FRMPD4: variants seen among roughly 807,000 people sequenced by gnomAD.
FRMPD4 encodes the protein FERM and PDZ domain containing 4, also known as FERM and PDZ domain-containing protein 4.
FRMPD4 carries 22 observed loss-of-function variants against 94.1 expected under a neutral mutation model. The observed-to-expected ratio is 0.23, with a 90% confidence interval of 0.17 to 0.33. FRMPD4 has a LOEUF of 0.33. Ranked by LOEUF, FRMPD4 falls within the 10% of genes least tolerant of loss-of-function variation. The pLI is 1.00. For synonymous variants in FRMPD4, 631 were observed against 548.6 expected, an observed-to-expected ratio of 1.15 and a Z score of -2.10; for missense variants, 1,111 against 1,339.9, an observed-to-expected ratio of 0.83 and a Z score of 2.67.
chrX:12,272,294 T>A (rs2054366611), intron 1 of FRMPD4, among the ~76,000 whole-genome samples: 1 of 110,936 alleles, frequency 9.0e-6, no homozygotes, highest in Admixed American at 9.7e-5. Context: ...TAGATAGGAA[T>A]GTATTTAATT....
At chrX:11,840,337 A>G (rs758290640) in intron 1 of FRMPD4, among the ~76,000 whole-genome samples, 1 of 111,527 alleles carries the variant, frequency 9.0e-6, no homozygotes, top group African/African-American at 3.3e-5. Flanking sequence ...AATATTGTGG[A>G]TGAATTTTTT....
chrX:12,464,294 C>T (rs2057426589), intron 1 of FRMPD4, among the ~76,000 whole-genome samples: 1 of 111,829 alleles, frequency 8.9e-6, no homozygotes, highest in Non-Finnish European at 1.9e-5. Flanking sequence ...GAACTATCCA[C>T]CATAGCTACA....
chrX:12,378,077 C>T (rs72612883), intron 1 of FRMPD4, among the ~76,000 whole-genome samples: 8,670 of 111,816 alleles, frequency 0.078, 320 homozygotes, highest in Middle Eastern at 0.12. Flanking sequence ...AAAGAGGCAC[C>T]GATGGGGGCG....
chrX:12,189,400 G>C (rs2056463685), intron 1 of FRMPD4, among the ~76,000 whole-genome samples: 2 of 110,767 alleles, frequency 1.8e-5, no homozygotes, highest in African/African-American at 3.3e-5. Flanking sequence ...GAGGCAAAAG[G>C]AATACTTAAC....
chrX:12,165,367 C>T (rs1010114316), intron 1 of FRMPD4, among the ~76,000 whole-genome samples: 8 of 111,483 alleles, frequency 7.2e-5, no homozygotes, highest in South Asian at 3.8e-4. Flanking sequence ...TGTAGACATG[C>T]GGCATTATTT....
intron 1 of FRMPD4, among the ~76,000 whole-genome samples, chrX:12,366,354 A>G (rs769407229): frequency 9.0e-6 from 1 of 111,700 alleles, no homozygotes; most frequent in South Asian, 3.7e-4. Context: ...GGAAATTGAA[A>G]TGCATCCTGG....
chrX:12,122,751 C>T (rs1166165829), intron 3 of FRMPD4, among the ~76,000 whole-genome samples: 2 of 110,867 alleles, frequency 1.8e-5, no homozygotes, highest in African/African-American at 3.3e-5. Flanking sequence ...CACCAGGGGC[C>T]AGGTGTTCAA....
At chrX:12,241,981 G>A (rs745754010) in intron 1 of FRMPD4, among the ~76,000 whole-genome samples, 56 of 80,993 alleles carry the variant, frequency 6.9e-4, no homozygotes, top group African/African-American at 2.3e-3. Flanking sequence ...AAGAGGAAGA[G>A]GAAGAAGAAG....
chrX:12,624,210 G>A (rs928683860), intron 4 of FRMPD4, among the ~76,000 whole-genome samples: 1 of 112,070 alleles, frequency 8.9e-6, no homozygotes, highest in African/African-American at 3.2e-5. Flanking sequence ...CACTGGTAAG[G>A]GAACTACATA....
intron 3 of FRMPD4, among the ~76,000 whole-genome samples, chrX:12,047,783 A>G (rs1307787969): frequency 8.9e-6 from 1 of 112,476 alleles, no homozygotes; most frequent in Non-Finnish European, 1.9e-5. Flanking sequence ...TTCACTTAGG[A>G]TAATGGCCTC....
At chrX:12,402,016 G>C (rs2056614274) in intron 1 of FRMPD4, among the ~76,000 whole-genome samples, 1 of 110,975 alleles carries the variant, frequency 9.0e-6, no homozygotes, top group Admixed American at 9.6e-5. Context: ...TCTGAAAGTA[G>C]CCAGCTGTGT....
chrX:11,978,769 A>G (rs2147386689), intron 3 of FRMPD4, among the ~76,000 whole-genome samples: 1 of 111,937 alleles, frequency 8.9e-6, no homozygotes, highest in South Asian at 3.7e-4. Flanking sequence ...AGAAAAGAAC[A>G]TCTTTTAAGA....
At position 11,950,450 on chromosome X, in the gene FRMPD4, T is replaced by C. The variant is rs776760237; in HGVS notation, c.95+72432T>C. On this transcript the variant is annotated intron_variant, in intron 3 of 18. Transcript: ENST00000640291. ...ACCTGAAATGTACTCTCTTAGAAAA[T>C]TTCCAGTATACAACACAGTATTATT... Among the ~76,000 whole-genome samples, 310 of 111,601 alleles carry C rather than the reference T, an allele frequency of 2.8e-3. 1 individual carries two copies. The highest frequency in any genetic ancestry group is 3.2e-3 in the Non-Finnish European group (172 of 53,130).
intron 1 of FRMPD4, among the ~76,000 whole-genome samples, chrX:12,274,369 C>T (rs1364577798): frequency 9.0e-6 from 1 of 111,523 alleles, no homozygotes; most frequent in Non-Finnish European, 1.9e-5. Context: ...CGTCATTAGC[C>T]TCACAGTCAA....
At chrX:12,285,889 A>G (rs1175212275) in intron 1 of FRMPD4, among the ~76,000 whole-genome samples, 4 of 111,825 alleles carry the variant, frequency 3.6e-5, no homozygotes, top group Admixed American at 2.8e-4. Context: ...ATTTAGGACA[A>G]TTCTGTGGAC....
intron 2 of FRMPD4, among the ~76,000 whole-genome samples, chrX:12,588,770 A>C (rs1329198315): frequency 1.8e-5 from 2 of 112,732 alleles, no homozygotes; most frequent in African/African-American, 6.4e-5. Flanking sequence ...TCAGTTGCTT[A>C]TCAGTATATT....
At chrX:12,243,676 T>C (rs1408117156) in intron 1 of FRMPD4, among the ~76,000 whole-genome samples, 1 of 110,013 alleles carries the variant, frequency 9.1e-6, no homozygotes, top group Non-Finnish European at 1.9e-5. Context: ...ATGGAAGTTT[T>C]TGTCTATGAC....
At chrX:11,931,002 A>G (rs1255033797) in intron 3 of FRMPD4, among the ~76,000 whole-genome samples, 1 of 111,595 alleles carries the variant, frequency 9.0e-6, no homozygotes, top group Admixed American at 9.6e-5. Context: ...TTACCCCAGC[A>G]GCCTGTCAGG....
intron 1 of FRMPD4, among the ~76,000 whole-genome samples, chrX:12,227,395 A>C (rs1193476864): frequency 8.9e-6 from 1 of 112,401 alleles, no homozygotes; most frequent in Non-Finnish European, 1.9e-5. Context: ...TGAGAGCTTT[A>C]GGAGACACTT....
Sources: allele counts gnomAD v4.1 joint callset (sites outside exome capture counted in the v4.1 genomes callset), GRCh38; gene constraint gnomAD v4.1.1; transcripts MANE v1.5; gene names NCBI Gene and HGNC (gene_info 2026-07-23, HGNC 2026-07-21).